ZNF33B: variants seen among roughly 807,000 people sequenced by gnomAD.
ZNF33B encodes the protein zinc finger protein 11b (KOX 2).
ZNF33B carries 29 observed loss-of-function variants against 45.8 expected under a neutral mutation model. The observed-to-expected ratio is 0.63, with a 90% CI of 0.47 to 0.86. The LOEUF is 0.86. Ranked by LOEUF, ZNF33B falls within the 40% of genes least tolerant of loss-of-function variation. The probability of loss-of-function intolerance (pLI) is 0.00; values close to 1 mark genes in which losing one functional copy is unlikely to be tolerated. For missense variants in ZNF33B, 831 were observed against 909.9 expected (o/e 0.91, Z 1.12); for synonymous variants, 305 against 307.8 (o/e 0.99, Z 0.10).
rs1837124983 is a variant in ZNF33B at position 42,591,567 on chromosome 10, T to G, written c.*1046A>C. ...TGAAGTAACCACTACTAAATTAGGA[T>G]ACCTACTTCCTATTCACAATTACGT... On this transcript the variant is annotated 3_prime_UTR_variant, in exon 5 of 5. Transcript: ENST00000359467. The G allele has an allele frequency of 1.9e-6, 1 of 519,340 alleles. No individual in the cohort carries two copies. The highest frequency in any genetic ancestry group is 2.1e-5 in the African/African-American group (1 of 48,518). The allele number at this position is 519,340 out of a possible 1,614,324, so 32.2% of individuals were successfully genotyped here. A position where few individuals can be genotyped will look rare whatever the true frequency, so the allele number is the denominator to read the frequency against.
chr10:42,575,933 C>T lies in ZNF33B; in HGVS notation c.74-1255G>A, dbSNP rs1354653855. ...TTGAGATGAAGTCTCGCTCTTGTCC[C>T]CCAGACTGGAGTGCAATGACAGGAT... On this transcript the variant is annotated intron_variant, in intron 1 of 1. Coordinates refer to the ZNF33B transcript ENST00000462075. 2.0e-5 allele frequency among the ~76,000 whole-genome samples: 3 copies of T among 147,622 alleles called. No homozygotes were observed. In the South Asian group the frequency reaches 6.4e-4, roughly 31 times the overall value.
At chr10:42,575,734 A>ATT (rs1308584648) in intron 1 of ZNF33B, among the ~76,000 whole-genome samples, 2,244 of 146,650 alleles carry the variant, frequency 0.015, 63 homozygotes, top group African/African-American at 0.05. Context: ...ATATACATAT[A>ATT]TATTTTTTTT....
chr10:42,614,191 C>A (rs158380), intron 4 of ZNF33B: 4,650 of 154,972 alleles, frequency 0.03, 205 homozygotes, highest in East Asian at 0.14. Flanking sequence ...AGGTACTTTA[C>A]TACTGTGGCC....
chr10:42,627,616 T>G (rs1838867456), intron 4 of ZNF33B, among the ~76,000 whole-genome samples: 1 of 152,200 alleles, frequency 6.6e-6, no homozygotes, highest in Non-Finnish European at 1.5e-5. Flanking sequence ...GAAAGTCAAT[T>G]ATGGGTTTGC....
Position 42,592,971 on chromosome 10 carries a change from G to T in ZNF33B, c.1979C>A (p.Thr660Lys). 1 of 1,613,912 alleles carries T rather than the reference G, an allele frequency of 6.2e-7. No homozygotes were observed. Residue 660 changes from threonine to lysine, a missense_variant, in exon 5 of 5, where the codon ACA (threonine) becomes AAA (lysine). Transcript: ENST00000359467. The part of the protein sequence containing the change: ...SALIVHQRTH[T>K]QEKPYKCNEC... ...GTTACATTTATAAGGCTTTTCTTGT[G>T]TATGGGTTCTCTGATGTACAATTAG...
At chr10:42,597,601 A>G (rs954304685) in intron 4 of ZNF33B, among the ~76,000 whole-genome samples, 7 of 152,114 alleles carry the variant, frequency 4.6e-5, no homozygotes, top group Non-Finnish European at 1.0e-4. Flanking sequence ...CAAGATAAGT[A>G]ATTTTTGCTA....
intron 1 of ZNF33B, among the ~76,000 whole-genome samples, chr10:42,577,255 C>A (rs1836761151): frequency 6.6e-6 from 1 of 152,062 alleles, no homozygotes; most frequent in Non-Finnish European, 1.5e-5. Context: ...AAACACACCC[C>A]AAACCTCGAC....
chr10:42,617,600 T>C (rs1372624816), intron 4 of ZNF33B, among the ~76,000 whole-genome samples: 2 of 152,192 alleles, frequency 1.3e-5, no homozygotes, highest in Non-Finnish European at 2.9e-5. Context: ...TATTTAGTTC[T>C]ATAAATTTTG....
At chr10:42,615,347 C>T (rs191408391) in intron 4 of ZNF33B, among the ~76,000 whole-genome samples, 1 of 152,122 alleles carries the variant, frequency 6.6e-6, no homozygotes, top group Admixed American at 6.5e-5. Flanking sequence ...CAAATGGATA[C>T]ATAAAATGTA....
intron 4 of ZNF33B, among the ~76,000 whole-genome samples, chr10:42,630,445 A>T (rs1838999871): frequency 6.6e-6 from 1 of 152,118 alleles, no homozygotes; most frequent in South Asian, 2.1e-4. Context: ...CATGGACTTA[A>T]CTTATTGGAT....
At chr10:42,610,742 T>C (rs1564513231) in intron 4 of ZNF33B, among the ~76,000 whole-genome samples, 1 of 152,224 alleles carries the variant, frequency 6.6e-6, no homozygotes, top group South Asian at 2.1e-4. Flanking sequence ...AATTAATATC[T>C]AAATTCAACA....
At chr10:42,633,948 TAAC>T (rs1277778587) in intron 2 of ZNF33B, among the ~76,000 whole-genome samples, 4 of 136,142 alleles carry the variant, frequency 2.9e-5, no homozygotes, top group African/African-American at 8.4e-5. Context: ...CCAGCCTGGG[TAAC>T]AAGAGCAAAA....
intron 4 of ZNF33B, among the ~76,000 whole-genome samples, chr10:42,601,228 T>C (rs1490066681): frequency 1.3e-5 from 2 of 152,198 alleles, no homozygotes; most frequent in East Asian, 1.9e-4. Context: ...ATTTTAACAC[T>C]GATTTAGAGC....
intron 4 of ZNF33B, among the ~76,000 whole-genome samples, chr10:42,631,415 G>A (rs563809385): frequency 6.6e-6 from 1 of 152,216 alleles, no homozygotes; most frequent in African/African-American, 2.4e-5. Flanking sequence ...ATGTTGGCTA[G>A]GCTGTTCTCA....
intron 4 of ZNF33B, among the ~76,000 whole-genome samples, chr10:42,601,498 C>T (rs1302904001): frequency 1.9e-5 from 2 of 102,866 alleles, no homozygotes; most frequent in Admixed American, 2.7e-4. Context: ...TTTTTTGAGA[C>T]ACAGTCTCAC....
chr10:42,637,220 C>T (rs1839346446), intron 1 of ZNF33B, among the ~76,000 whole-genome samples: 1 of 152,176 alleles, frequency 6.6e-6, no homozygotes, highest in African/African-American at 2.4e-5. Context: ...TATTTGCTTC[C>T]TAAGGATTTC....
rs148727886 is a variant in ZNF33B, at chr10:42,615,992, G to A, written c.250+15937C>T. ...AATCTCAGCACTTTGGGAGGCTGAG[G>A]TGCGTGGATAATCTGAGGTCAGGAG... On this transcript the variant is annotated intron_variant, in intron 4 of 4. Transcript: ENST00000359467. Among the ~76,000 whole-genome samples, 1,057 of 151,470 alleles carry A rather than the reference G, an allele frequency of 7.0e-3. 14 individuals carry two copies. The highest frequency in any genetic ancestry group is 0.024 in the African/African-American group (1,007 of 41,220).
chr10:42,605,110 G>A (rs1315186742), intron 4 of ZNF33B: 11 of 151,838 alleles, frequency 7.2e-5, no homozygotes, highest in Admixed American at 6.6e-4. Context: ...AGTACCAGAA[G>A]GAGGGGAAAA....
rs575584546 is a variant in ZNF33B, at chr10:42,625,669, C to T, written c.250+6260G>A. 2.6e-5 allele frequency among the ~76,000 whole-genome samples: 4 copies of T among 152,282 alleles called. No individual in the cohort carries two copies. The East Asian group carries it at 7.7e-4, about 29-fold the overall frequency. On this transcript the variant is annotated intron_variant, in intron 4 of 4. Coordinates refer to ENST00000359467, the MANE Select transcript of ZNF33B (RefSeq NM_006955.3). Reference sequence around the variant, plus strand: ...TGTATTTTTAGTAGAGATGGGGTTTCTCCATATTGGTCAGGCTGCTCTTAA... The same window carrying T: ...TGTATTTTTAGTAGAGATGGGGTTTTTCCATATTGGTCAGGCTGCTCTTAA...
Sources: allele counts gnomAD v4.1 joint callset (sites outside exome capture counted in the v4.1 genomes callset), GRCh38; gene constraint gnomAD v4.1.1; transcripts MANE v1.5; gene names NCBI Gene and HGNC (gene_info 2026-07-23, HGNC 2026-07-21).